MME: variants seen among roughly 807,000 people sequenced by gnomAD.
The protein encoded by MME is membrane metalloendopeptidase.
Under a neutral mutation model 113.2 loss-of-function variants are expected in MME, and 98 were observed. The ratio of observed to expected loss-of-function variants is 0.87; its 90% CI spans 0.74 to 1.02. The LOEUF (loss-of-function observed/expected upper bound fraction) is 1.02, where lower values mean the gene tolerates loss of function less well. Among genes scored for constraint, MME ranks in the 50% least tolerant of loss-of-function variants. The pLI is 0.00. For synonymous variants in MME, 292 were observed against 300.6 expected (o/e 0.97, Z 0.30); for missense variants, 836 against 896.0 (o/e 0.93, Z 0.86).
chr3:155,087,249 G>GTT (rs71624557), intron 3 of MME, among the ~76,000 whole-genome samples: 113 of 120,936 alleles, frequency 9.3e-4, no homozygotes, highest in African/African-American at 3.2e-3. Context: ...GTGCCCTTTG[G>GTT]TTTTTTTTTT....
At chr3:155,076,178 C>A (rs906096953), upstream of MME, among the ~76,000 whole-genome samples, 1 of 152,166 alleles carries the variant, frequency 6.6e-6, no homozygotes, top group African/African-American at 2.4e-5. Flanking sequence ...ATTCCTACAT[C>A]CATTTGAAGT....
intron 1 of MME, among the ~76,000 whole-genome samples, chr3:155,067,604 C>T (rs1035461667): frequency 1.3e-5 from 2 of 151,974 alleles, no homozygotes; most frequent in African/African-American, 2.4e-5. Flanking sequence ...CCACTGTGCC[C>T]GGCCCTTATT....
intron 1 of MME, among the ~76,000 whole-genome samples, chr3:155,025,961 C>G (rs1712769165): frequency 6.6e-6 from 1 of 151,668 alleles, no homozygotes; most frequent in African/African-American, 2.4e-5. Context: ...TTTTTGCAGA[C>G]TAAAAGATAT....
intron 3 of MME, chr3:155,085,730 C>G (rs1715644645): frequency 1.3e-5 from 2 of 152,172 alleles, no homozygotes; most frequent in South Asian, 4.1e-4. Context: ...GGGGTTTCAC[C>G]ATATTGATCA....
intron 7 of MME, 132 bp from the exon 8 acceptor site, chr3:155,118,614 T>G (rs1576606569): frequency 1.5e-6 from 1 of 675,002 alleles, no homozygotes. Context: ...AGGTATTTAT[T>G]GAGTGTCTGA....
chr3:155,161,889 TTATAA>T (rs1481035894), intron 17 of MME, among the ~76,000 whole-genome samples: 1 of 152,174 alleles, frequency 6.6e-6, no homozygotes, highest in Non-Finnish European at 1.5e-5. Context: ...AGTCAGTCCT[TTATAA>T]TATATTATTT....
chr3:155,175,138 AT>A (rs1232595623), intron 22 of MME, among the ~76,000 whole-genome samples: 32 of 152,018 alleles, frequency 2.1e-4, no homozygotes, highest in Admixed American at 2.1e-3. Flanking sequence ...CTTTTTTAAA[AT>A]TTTGATGACA....
At chr3:155,069,380 A>C (rs1271904313) in intron 1 of MME, among the ~76,000 whole-genome samples, 1 of 152,206 alleles carries the variant, frequency 6.6e-6, no homozygotes, top group Non-Finnish European at 1.5e-5. Flanking sequence ...ATAACAGAGA[A>C]AATTAAAGAT....
intron 22 of MME, among the ~76,000 whole-genome samples, chr3:155,177,200 G>A (rs1277488021): frequency 6.6e-6 from 1 of 152,050 alleles, no homozygotes; most frequent in Non-Finnish European, 1.5e-5. Flanking sequence ...TAAAATCTAA[G>A]AAAAAATCCT....
chr3:155,044,274 AGGTG>A (rs1713467163), intron 1 of MME, among the ~76,000 whole-genome samples: 1 of 149,782 alleles, frequency 6.7e-6, no homozygotes, highest in Non-Finnish European at 1.5e-5. Context: ...CTGGCATTAC[AGGTG>A]CACGCCAGGA....
chr3:155,059,756 A>G (rs1356029279), intron 1 of MME, among the ~76,000 whole-genome samples: 3 of 152,328 alleles, frequency 2.0e-5, no homozygotes, highest in Admixed American at 1.3e-4. Context: ...AGAAAATTAA[A>G]AATAGATTAA....
At chr3:155,068,348 A>G (rs909670681) in intron 1 of MME, among the ~76,000 whole-genome samples, 4 of 152,208 alleles carry the variant, frequency 2.6e-5, no homozygotes, top group Non-Finnish European at 5.9e-5. Flanking sequence ...GGTGACGGAT[A>G]ACTTTATTAT....
chr3:155,085,625 G>C (rs930938261), intron 3 of MME: 1 of 152,448 alleles, frequency 6.6e-6, no homozygotes, highest in Non-Finnish European at 1.5e-5. Flanking sequence ...TCCGCCTCCC[G>C]GGTTCTAGCA....
At chr3:155,095,386 C>A (rs1177947991) in intron 3 of MME, among the ~76,000 whole-genome samples, 3 of 152,102 alleles carry the variant, frequency 2.0e-5, no homozygotes, top group African/African-American at 7.2e-5. Context: ...AGACACTGAG[C>A]CTGATTTTCT....
intron 8 of MME, among the ~76,000 whole-genome samples, chr3:155,127,854 GT>G (rs1264179971): frequency 1.3e-5 from 2 of 152,202 alleles, no homozygotes; most frequent in African/African-American, 4.8e-5. Context: ...TTTCTTAAGA[GT>G]TGGTACTTCA....
At chr3:155,163,244 G>A (rs1157093596) in intron 17 of MME, among the ~76,000 whole-genome samples, 2 of 151,836 alleles carry the variant, frequency 1.3e-5, no homozygotes, top group Non-Finnish European at 2.9e-5. Flanking sequence ...ACTTTCTCAC[G>A]GGATTGGTCA....
At chr3:155,093,709 A>T (rs1408336874) in intron 3 of MME, among the ~76,000 whole-genome samples, 1 of 152,028 alleles carries the variant, frequency 6.6e-6, no homozygotes, top group African/African-American at 2.4e-5. Flanking sequence ...TACAAAAACT[A>T]TCTGGGCATG....
intron 8 of MME, among the ~76,000 whole-genome samples, chr3:155,128,644 T>A (rs1443892183): frequency 1.3e-5 from 2 of 152,186 alleles, no homozygotes; most frequent in African/African-American, 4.8e-5. Flanking sequence ...ATAGTTTTCC[T>A]AGCACCCAGG....
rs1229365546 is a variant in MME at position 155,181,827 on chromosome 3, T to C, written c.*1368T>C. ...CAAAAGAGGAGCACTTCCAAAATTC[T>C]TATTTTTCCTAACAAAAGATGAAAG... On this transcript the variant is annotated 3_prime_UTR_variant, in exon 23 of 23. Coordinates refer to ENST00000360490, the MANE Select transcript of MME (RefSeq NM_007289.4). 1 of 152,172 alleles carries C rather than the reference T, an allele frequency of 6.6e-6. No homozygotes were observed. Among genetic ancestry groups the C allele is most frequent in the Non-Finnish European group, 1.5e-5 (1 of 68,018 alleles). 9.4% of individuals were successfully genotyped at this position (152,172 alleles called of 1,614,324 possible).
Sources: gnomAD v4.1 joint callset for allele counts (sites outside exome capture counted in the v4.1 genomes callset) on GRCh38, gnomAD v4.1.1 for gene constraint, MANE v1.5 for transcripts, NCBI Gene and HGNC (gene_info 2026-07-23, HGNC 2026-07-21) for gene names.